AGBL4: variants seen among roughly 807,000 people sequenced by gnomAD.
AGBL4 encodes cytosolic carboxypeptidase 6.
AGBL4 carries 58 observed loss-of-function variants against 66.4 expected under a neutral mutation model. That is an observed-to-expected ratio of 0.87 (90% CI 0.71 to 1.09). The LOEUF is 1.09. AGBL4 is among the 50% of genes least tolerant of loss of function. The pLI is 0.00. For missense variants in AGBL4, 579 were observed against 631.0 expected, an observed-to-expected ratio of 0.92 and a Z score of 0.88; for synonymous variants, 234 against 222.9, an observed-to-expected ratio of 1.05 and a Z score of -0.44.
At chr1:49,333,018 AATG>A (rs1455625360) in intron 3 of AGBL4, among the ~76,000 whole-genome samples, 1 of 152,180 alleles carries the variant, frequency 6.6e-6, no homozygotes, top group Non-Finnish European at 1.5e-5. Context: ...AACCACAAGT[AATG>A]ATGAGCTTTT....
chr1:48,565,200 G>A (rs2148304891), intron 11 of AGBL4, among the ~76,000 whole-genome samples: 1 of 152,302 alleles, frequency 6.6e-6, no homozygotes, highest in African/African-American at 2.4e-5. Context: ...AGCAAACCAG[G>A]AAATCACTGC....
intron 3 of AGBL4, among the ~76,000 whole-genome samples, chr1:49,284,319 T>C (rs1386670904): frequency 6.6e-6 from 1 of 151,890 alleles, no homozygotes; most frequent in Non-Finnish European, 1.5e-5. Context: ...GACAAGCAAA[T>C]GCTGAGAGAT....
rs1644561871 is a variant in AGBL4, at chr1:49,380,006, T to C, written c.283-134142A>G. On this transcript the variant is annotated intron_variant, in intron 3 of 13. Transcript: ENST00000371839. ...GTGTTGGAAGTTCTGGCCAGGGAAA[T>C]TAGGCAGGAGAAGGAAATAAAGGGT... Among the ~76,000 whole-genome samples the C allele has an allele frequency of 2.0e-5, 3 of 152,086 alleles. No homozygotes were observed. The South Asian group carries it at 6.2e-4, about 32-fold the overall frequency.
intron 6 of AGBL4, among the ~76,000 whole-genome samples, chr1:48,832,483 G>A (rs1017345986): frequency 6.6e-6 from 1 of 152,088 alleles, no homozygotes; most frequent in Non-Finnish European, 1.5e-5. Flanking sequence ...TACTCGCTAG[G>A]TTGTGAGTAC....
At chr1:48,873,888 G>A (rs1336961513) in intron 5 of AGBL4, among the ~76,000 whole-genome samples, 1 of 152,076 alleles carries the variant, frequency 6.6e-6, no homozygotes, top group Non-Finnish European at 1.5e-5. Context: ...GGTCACGACT[G>A]CATTGCAATT....
intron 6 of AGBL4, among the ~76,000 whole-genome samples, chr1:48,667,540 C>T (rs1027821384): frequency 6.6e-6 from 1 of 152,226 alleles, no homozygotes; most frequent in Non-Finnish European, 1.5e-5. Context: ...CTAAGCTGTT[C>T]CCACATTCTT....
intron 3 of AGBL4, among the ~76,000 whole-genome samples, chr1:49,251,249 C>A (rs907093238): frequency 6.6e-6 from 1 of 152,194 alleles, no homozygotes; most frequent in African/African-American, 2.4e-5. Flanking sequence ...CTTCCCCATA[C>A]TGCAGCTTCC....
intron 3 of AGBL4, among the ~76,000 whole-genome samples, chr1:49,658,469 A>T (rs1558140548): frequency 6.6e-6 from 1 of 152,196 alleles, no homozygotes; most frequent in Non-Finnish European, 1.5e-5. Flanking sequence ...AGGGATCTAG[A>T]ACTAGAAATA....
chr1:48,715,599 C>T (rs1489142601), intron 6 of AGBL4, among the ~76,000 whole-genome samples: 1 of 152,054 alleles, frequency 6.6e-6, no homozygotes, highest in Non-Finnish European at 1.5e-5. Context: ...CATTTGAGAT[C>T]ATTTTATTGA....
chr1:48,991,085 C>A (rs562857705), intron 5 of AGBL4, among the ~76,000 whole-genome samples: 12 of 152,196 alleles, frequency 7.9e-5, no homozygotes, highest in African/African-American at 2.6e-4. Context: ...CAGATGATTT[C>A]TTATTGTTTA....
chr1:49,585,929 C>T (rs998052791), intron 3 of AGBL4, among the ~76,000 whole-genome samples: 5 of 152,012 alleles, frequency 3.3e-5, no homozygotes, highest in African/African-American at 1.2e-4. Context: ...TCCCATTTTT[C>T]CCCCCTGAAT....
chr1:49,459,853 TTG>T (rs1316609372), intron 3 of AGBL4, among the ~76,000 whole-genome samples: 2 of 151,742 alleles, frequency 1.3e-5, no homozygotes, highest in African/African-American at 4.8e-5. Flanking sequence ...TTTTGATAGG[TTG>T]TGTCACTATT....
intron 3 of AGBL4, among the ~76,000 whole-genome samples, chr1:49,646,423 A>C (rs1490138250): frequency 1.3e-5 from 2 of 151,902 alleles, no homozygotes; most frequent in African/African-American, 4.8e-5. Flanking sequence ...GAAATTTAAA[A>C]AATGCCTATT....
In AGBL4 at chr1:49,072,752, G is replaced by A. The variant is rs531137022; in HGVS notation, c.378-26952C>T. The stretch of plus-strand genomic sequence containing the variant: ...TGCTCTTCTCGAGGAATATCTTTGT[G>A]GTGTTCTCTCTATTTCCTGAATTTG... On this transcript the variant is annotated intron_variant, in intron 4 of 13. Transcript: ENST00000371839. Among the ~76,000 whole-genome samples the A allele has an allele frequency of 6.6e-5, 10 of 152,212 alleles. No individual in the cohort carries two copies. The South Asian group carries it at 2.1e-3, about 32-fold the overall frequency.
chr1:49,091,433 C>A (rs1645002050), intron 4 of AGBL4, among the ~76,000 whole-genome samples: 1 of 151,476 alleles, frequency 6.6e-6, no homozygotes, highest in Non-Finnish European at 1.5e-5. Context: ...AAGAAGCATA[C>A]AAAAAATGCT....
chr1:49,794,542 C>G (rs1644683336), intron 2 of AGBL4, among the ~76,000 whole-genome samples: 3 of 151,934 alleles, frequency 2.0e-5, no homozygotes, highest in African/African-American at 4.8e-5. Flanking sequence ...GCTAACACTT[C>G]TACTGAACAA....
At position 48,779,744 on chromosome 1, in the gene AGBL4, G is replaced by A. The variant is rs944524902; in HGVS notation, c.634+87447C>T. Among the ~76,000 whole-genome samples the A allele has an allele frequency of 5.7e-5, 8 of 140,840 alleles. No individual in the cohort carries two copies. The South Asian group carries it at 6.7e-4, about 12-fold the overall frequency. The allele number at this position is 140,840 out of a possible 152,430, so 92.4% of individuals were successfully genotyped here. A position where few individuals can be genotyped will look rare whatever the true frequency, so the allele number is the denominator to read the frequency against. Reference sequence around the variant, plus strand: ...TTTTTTTTTCTTGAGACGGAGTTTCGCTCTTGTTGCCCAGGCTGGAGTGCA... The same window carrying A: ...TTTTTTTTTCTTGAGACGGAGTTTCACTCTTGTTGCCCAGGCTGGAGTGCA... On this transcript the variant is annotated intron_variant, in intron 6 of 13. Coordinates refer to ENST00000371839, the MANE Select transcript of AGBL4 (RefSeq NM_032785.4).
intron 5 of AGBL4, among the ~76,000 whole-genome samples, chr1:48,869,224 G>A (rs1648407195): frequency 3.3e-5 from 5 of 151,696 alleles, no homozygotes; most frequent in Admixed American, 3.3e-4. Context: ...ACTCTAAGAT[G>A]TCACTAATCT....
intron 1 of AGBL4, among the ~76,000 whole-genome samples, chr1:49,898,091 C>A (rs1478270275): frequency 2.0e-5 from 3 of 152,016 alleles, no homozygotes. Flanking sequence ...GAACAGGTAA[C>A]CAAAGCAAAA....
Sources: gnomAD v4.1 joint callset for allele counts (sites outside exome capture counted in the v4.1 genomes callset) on GRCh38, gnomAD v4.1.1 for gene constraint, MANE v1.5 for transcripts, NCBI Gene and HGNC (gene_info 2026-07-23, HGNC 2026-07-21) for gene names.